Variants in PRRX1 observed in about 807,000 individuals in gnomAD.
PRRX1 encodes paired mesoderm homeobox protein 1.
A neutral mutation model predicts 24.0 loss-of-function variants in PRRX1; 8 were observed. The observed-to-expected ratio is 0.33, with a 90% confidence interval of 0.20 to 0.60. The LOEUF is 0.60. Among genes scored for constraint, PRRX1 ranks in the 20% least tolerant of loss-of-function variants. The pLI, the probability that PRRX1 is intolerant of heterozygous loss-of-function variation, is 0.82. For synonymous variants in PRRX1, 160 were observed against 131.7 expected (o/e 1.22, Z -1.47); for missense variants, 281 against 322.4 (o/e 0.87, Z 0.98).
chr1:170,719,601 T>C (rs996047921), intron 1 of PRRX1, 125 bp from the exon 2 acceptor site: 2 of 1,089,400 alleles, frequency 1.8e-6, no homozygotes, highest in Non-Finnish European at 2.7e-6. Context: ...GGCATTTGGC[T>C]ATAGGACTTT....
rs1249522462 is a variant in PRRX1, at chr1:170,737,660, G to A, written c.*1474G>A. 4.5e-6 allele frequency: 1 copy of A among 220,602 alleles called. No individual in the cohort carries two copies. The allele number at this position is 220,602 out of a possible 1,614,324, so 13.7% of individuals were successfully genotyped here. On this transcript the variant is annotated 3_prime_UTR_variant, in exon 4 of 4. Coordinates refer to ENST00000239461, the MANE Select transcript of PRRX1 (RefSeq NM_022716.4). ...TTAATATTTTGAAATAAAGTTTAGT[G>A]TCTAGGGCTGGGAGCCAGGACTGAT...
chr1:170,732,713 A>G (rs995531497), intron 3 of PRRX1, among the ~76,000 whole-genome samples: 65 of 152,142 alleles, frequency 4.3e-4, no homozygotes, highest in Non-Finnish European at 1.0e-4. Flanking sequence ...CTTTTATCCT[A>G]CTTCTTGCGG....
Position 170,736,296 on chromosome 1 carries a change from C to T in PRRX1, c.*110C>T. 1 of 1,436,138 alleles carries T rather than the reference C, an allele frequency of 7.0e-7. No homozygotes were observed. The highest frequency in any genetic ancestry group is 1.2e-5 in the South Asian group (1 of 81,514). 89.0% of individuals were successfully genotyped at this position (1,436,138 alleles called of 1,614,324 possible). A position where few individuals can be genotyped will look rare whatever the true frequency, so the allele number is the denominator to read the frequency against. ...GGGGAAAAAGTAAATTACAAACAAA[C>T]AAACAAAGCAGAACTAAAATATTGG... On this transcript the variant is annotated 3_prime_UTR_variant, in exon 4 of 4. Transcript: ENST00000239461.
intron 1 of PRRX1, among the ~76,000 whole-genome samples, chr1:170,686,940 A>C (rs1353884454): frequency 2.0e-5 from 3 of 152,182 alleles, no homozygotes; most frequent in Admixed American, 6.5e-5. Flanking sequence ...TAGAATAAAC[A>C]AGAATTGACT....
rs766353805 is a variant in PRRX1, at chr1:170,664,317, C to A, written c.99C>A (p.Asn33Lys). ...GNLDTLQAKKNFSVSHLLDLE... is the reference protein window; with the variant it reads ...GNLDTLQAKKKFSVSHLLDLE... ...TCGACACCCTGCAGGCGAAAAAGAA[C>A]TTCTCCGTCAGTCACCTGCTAGACC... The change falls in exon 1 of 4, where the codon AAC becomes AAA. Residue 33 changes from asparagine to lysine, a missense_variant. Coordinates refer to ENST00000239461, the MANE Select transcript of PRRX1 (RefSeq NM_022716.4). 3 of 1,613,930 alleles carry A rather than the reference C, an allele frequency of 1.9e-6. No homozygotes were observed. The Middle Eastern group carries it at 5.0e-4, about 266-fold the overall frequency.
At chr1:170,676,839 CAT>C (rs1021019058) in intron 1 of PRRX1, among the ~76,000 whole-genome samples, 3 of 152,124 alleles carry the variant, frequency 2.0e-5, no homozygotes, top group African/African-American at 4.8e-5. Context: ...CATTTCATAA[CAT>C]ATTGCCATGC....
intron 1 of PRRX1, among the ~76,000 whole-genome samples, chr1:170,688,150 C>T (rs983486875): frequency 6.6e-6 from 1 of 151,960 alleles, no homozygotes; most frequent in South Asian, 2.1e-4. Context: ...TTCTATTACC[C>T]TAAAGATCTT....
chr1:170,666,156 C>T (rs1008400324), intron 1 of PRRX1, among the ~76,000 whole-genome samples: 2 of 152,060 alleles, frequency 1.3e-5, no homozygotes, highest in Admixed American at 6.5e-5. Flanking sequence ...CGCGGTGGCT[C>T]ACGCCTGTAA....
chr1:170,732,972 AAGC>A (rs1254609472), intron 3 of PRRX1, among the ~76,000 whole-genome samples: 7 of 152,140 alleles, frequency 4.6e-5, no homozygotes, highest in Admixed American at 1.3e-4. Flanking sequence ...TACTGTGGAA[AAGC>A]AGGCTGCCGT....
chr1:170,719,796 C>A lies in PRRX1; in HGVS notation c.312C>A (p.Ser104Arg). The part of the protein sequence containing the change: ...QRRNRTTFNS[S>R]QLQALERVFE... ...GGAATAGGACAACCTTCAATAGCAG[C>A]CAGCTGCAGGCTTTGGAGCGTGTCT... Residue 104 changes from serine (S) to arginine (R), a missense_variant, in exon 2 of 4, where the codon AGC becomes AGA. By Grantham distance (110) the Ser-to-Arg change is moderately radical. Coordinates refer to ENST00000239461, the MANE Select transcript of PRRX1 (RefSeq NM_022716.4). 1 of 1,614,208 alleles carries A rather than the reference C, an allele frequency of 6.2e-7. No individual in the cohort carries two copies. The highest frequency in any genetic ancestry group is 2.2e-5 in the East Asian group (1 of 44,886).
intron 1 of PRRX1, among the ~76,000 whole-genome samples, chr1:170,676,487 G>A (rs1653325208): frequency 6.6e-6 from 1 of 151,638 alleles, no homozygotes; most frequent in Admixed American, 6.6e-5. Context: ...CATTTCAGCT[G>A]AATTAATATA....
intron 1 of PRRX1, among the ~76,000 whole-genome samples, chr1:170,700,625 T>C (rs555840324): frequency 4.6e-5 from 7 of 152,274 alleles, no homozygotes; most frequent in Admixed American, 2.0e-4. Context: ...ACAGGCTGTA[T>C]TATTAGTACT....
In PRRX1 at chr1:170,719,513, C is replaced by T. The variant is rs112087973; in HGVS notation, c.242-213C>T. On this transcript the variant is annotated intron_variant, in intron 1 of 3. Transcript: ENST00000239461. The stretch of plus-strand genomic sequence containing the variant: ...GATCTTGTCCCAGATTTAGAGGCAA[C>T]AGCCAAGCATTAGAGTTGCTGGGAT... 4.4e-3 allele frequency among the ~76,000 whole-genome samples: 671 copies of T among 152,368 alleles called. 8 individuals carry two copies. Among genetic ancestry groups the T allele is most frequent in the African/African-American group, 0.015 (614 of 41,592 alleles).
chr1:170,722,616 G>A (rs1655125684), intron 2 of PRRX1: 1 of 152,188 alleles, frequency 6.6e-6, no homozygotes, highest in South Asian at 2.1e-4. Context: ...GGAAAAGGGA[G>A]AGAATTTATG....
intron 1 of PRRX1, among the ~76,000 whole-genome samples, chr1:170,700,236 C>A (rs1236625470): frequency 6.6e-6 from 1 of 151,960 alleles, no homozygotes; most frequent in African/African-American, 2.4e-5. Flanking sequence ...AATTCCTGAG[C>A]CCAGGAAGTC....
intron 2 of PRRX1, among the ~76,000 whole-genome samples, chr1:170,722,874 G>A (rs1041464219): frequency 2.6e-5 from 4 of 152,274 alleles, no homozygotes; most frequent in African/African-American, 9.6e-5. Context: ...AATATCCGGT[G>A]TGAATATTTT....
At chr1:170,717,243 T>C (rs1654933364) in intron 1 of PRRX1, among the ~76,000 whole-genome samples, 1 of 152,256 alleles carries the variant, frequency 6.6e-6, no homozygotes, top group Non-Finnish European at 1.5e-5. Context: ...TAAACTATAA[T>C]TCTCCATTTC....
upstream of PRRX1, chr1:170,663,002 G>A (rs898031396): frequency 2.6e-5 from 4 of 151,866 alleles, no homozygotes; most frequent in African/African-American, 9.7e-5. Flanking sequence ...ATCCAAAGGG[G>A]CTCTCTTGCT....
At chr1:170,682,530 T>A (rs1297490416) in intron 1 of PRRX1, among the ~76,000 whole-genome samples, 1 of 152,092 alleles carries the variant, frequency 6.6e-6, no homozygotes, top group Non-Finnish European at 1.5e-5. Context: ...TTTGTTAGTA[T>A]AACAAAGTTG....
Sources: gnomAD v4.1 joint callset for allele counts (sites outside exome capture counted in the v4.1 genomes callset) on GRCh38, gnomAD v4.1.1 for gene constraint, MANE v1.5 for transcripts, NCBI Gene and HGNC (gene_info 2026-07-23, HGNC 2026-07-21) for gene names.